The following GPR157 variants were observed in gnomAD, a reference collection of about 807,000 sequenced individuals.
The protein encoded by GPR157 is G-protein coupled receptor 157.
Under a neutral mutation model 23.5 loss-of-function variants are expected in GPR157, and 16 were observed. The ratio of observed to expected loss-of-function variants is 0.68; its 90% CI spans 0.46 to 1.04. The LOEUF (loss-of-function observed/expected upper bound fraction) is 1.04, where lower values mean the gene tolerates loss of function less well. Among genes scored for constraint, GPR157 ranks in the 50% least tolerant of loss-of-function variants. GPR157 has a pLI of 0.00. For synonymous variants in GPR157, 200 were observed against 221.5 expected (o/e 0.90, Z 0.86); for missense variants, 440 against 460.7 (o/e 0.96, Z 0.41).
intron 2 of GPR157, among the ~76,000 whole-genome samples, chr1:9,107,847 G>C (rs1175451011): frequency 2.0e-5 from 3 of 152,140 alleles, no homozygotes; most frequent in Non-Finnish European, 1.5e-5. Context: ...AGAATTGCTT[G>C]AACCCGGGAG....
chr1:9,114,326 CAA>C (rs58549365), intron 1 of GPR157, among the ~76,000 whole-genome samples: 7 of 103,100 alleles, frequency 6.8e-5, no homozygotes, highest in Admixed American at 1.1e-4. Flanking sequence ...GAGACTGTCT[CAA>C]AAAAAAAAAA....
intron 1 of GPR157, among the ~76,000 whole-genome samples, chr1:9,114,589 C>A (rs2124516540): frequency 6.6e-6 from 1 of 152,274 alleles, no homozygotes; most frequent in Admixed American, 6.5e-5. Flanking sequence ...CCTCTGCATC[C>A]CGACGGGCCC....
chr1:9,116,311 A>ATAAT (rs1218398144), intron 1 of GPR157, among the ~76,000 whole-genome samples: 30 of 16,720 alleles, frequency 1.8e-3, no homozygotes, highest in East Asian at 0.033. Flanking sequence ...ATATTATATT[A>ATAAT]TATATAATAT....
At chr1:9,119,017 A>G (rs369410171) in intron 1 of GPR157, among the ~76,000 whole-genome samples, 3 of 145,298 alleles carry the variant, frequency 2.1e-5, no homozygotes, top group Non-Finnish European at 4.5e-5. Flanking sequence ...CCTGGGTGAG[A>G]GTGAGACCCT....
chr1:9,117,567 C>A (rs900852176), intron 1 of GPR157, among the ~76,000 whole-genome samples: 44 of 152,240 alleles, frequency 2.9e-4, no homozygotes, highest in Admixed American at 2.9e-3. Flanking sequence ...TGAGACCAGC[C>A]TCGCCAACAT....
intron 1 of GPR157, among the ~76,000 whole-genome samples, chr1:9,123,238 A>T (rs1377011384): frequency 1.7e-5 from 1 of 60,274 alleles, no homozygotes; most frequent in Non-Finnish European, 2.6e-5. Context: ...ATTTAAATAT[A>T]TATTAATTTA....
In GPR157 at chr1:9,128,597, T is replaced by A; in HGVS notation, c.383+48A>T. The A allele has an allele frequency of 1.3e-6, 2 of 1,570,388 alleles. No homozygotes were observed. Among genetic ancestry groups the A allele is most frequent in the Non-Finnish European group, 1.7e-6 (2 of 1,146,388 alleles). ...TCTGGGAGGGCAAGACCGGGAGGGG[T>A]CGGCCTGTGTCGGGGGCTCCTGGAA... is the stretch of plus-strand genomic sequence containing the variant. On this transcript the variant is annotated intron_variant, in intron 1 of 3. Coordinates refer to ENST00000377411, the MANE Select transcript of GPR157 (RefSeq NM_024980.5). The surrounding 1 kb of genome is among the most constrained non-coding windows in gnomAD (Gnocchi z 6.3).
At chr1:9,104,728 C>T (rs1007892335) in intron 3 of GPR157, 94 bp from the exon 4 acceptor site, 38 of 884,424 alleles carry the variant, frequency 4.3e-5, no homozygotes, top group African/African-American at 8.4e-5. Context: ...AGGCTGGGTG[C>T]GGTGGCTCAC....
chr1:9,115,623 G>A (rs553308168), intron 1 of GPR157, among the ~76,000 whole-genome samples: 1 of 152,016 alleles, frequency 6.6e-6, no homozygotes, highest in Non-Finnish European at 1.5e-5. Context: ...TCCTCAATTT[G>A]TTTCTGCTCC....
Position 9,105,751 on chromosome 1 carries a change from G to A in GPR157, c.598-71C>T, listed in dbSNP as rs1375823970. 7.4e-7 allele frequency: 1 copy of A among 1,348,990 alleles called. No homozygotes were observed. Among genetic ancestry groups the A allele is most frequent in the South Asian group, 1.4e-5 (1 of 72,084 alleles). 83.6% of individuals were successfully genotyped at this position (1,348,990 alleles called of 1,614,324 possible). A position where few individuals can be genotyped will look rare whatever the true frequency, so the allele number is the denominator to read the frequency against. On this transcript the variant is annotated intron_variant, in intron 2 of 3. Coordinates refer to ENST00000377411, the MANE Select transcript of GPR157 (RefSeq NM_024980.5). The surrounding 1 kb of genome is among the most constrained non-coding windows in gnomAD (Gnocchi z 4.8). ...CCGCCACGTCCACCCAGGCTGCCCA[G>A]GTCTTCCCAGGGACTTGAACTAGCT...
chr1:9,106,506 T>C (rs1187626367), intron 2 of GPR157, among the ~76,000 whole-genome samples: 1 of 152,186 alleles, frequency 6.6e-6, no homozygotes. Flanking sequence ...CACACCGACC[T>C]CCTTGTTATG....
rs750196783 is a variant in GPR157 at position 9,111,309 on chromosome 1, C to T, written c.564G>A (p.Leu188=). ...TGATGTGCTTCCGGACCAGGAGGTA[C>T]AGCAGAGGCAGCAGCACATATGCCA... ...EMLAYVLLPL[L]YLLVRKHINR... is the part of the protein sequence containing the mutation. The change falls in exon 2 of 4, where the codon CTG becomes CTA. Residue 188 remains leucine (L), a synonymous_variant. Coordinates refer to ENST00000377411, the MANE Select transcript of GPR157 (RefSeq NM_024980.5). 6 of 1,614,246 alleles carry T rather than the reference C, an allele frequency of 3.7e-6. No homozygotes were observed. Among genetic ancestry groups the T allele is most frequent in the Non-Finnish European group, 5.1e-6 (6 of 1,180,048 alleles).
At chr1:9,123,233 AAT>A (rs1200551930) in intron 1 of GPR157, among the ~76,000 whole-genome samples, 1 of 84,264 alleles carries the variant, frequency 1.2e-5, no homozygotes, top group Non-Finnish European at 2.0e-5. Flanking sequence ...TATATATTTA[AAT>A]ATATATTAAT....
rs1352594815 is a variant in GPR157 at position 9,128,693 on chromosome 1, G to C, written c.335C>G (p.Ala112Gly). The C allele has an allele frequency of 1.2e-6, 2 of 1,613,232 alleles. No individual in the cohort carries two copies. The highest frequency in any genetic ancestry group is 1.7e-6 in the Non-Finnish European group (2 of 1,179,910). ...LYLYLSIVRA[A>G]RGPRTDRLLW... Reference sequence around the variant, plus strand: ...CAGGCGATCTGTGCGAGGCCCGCGCGCGGCGCGGACGATGCTGAGGTACAA... The same window carrying C: ...CAGGCGATCTGTGCGAGGCCCGCGCCCGGCGCGGACGATGCTGAGGTACAA... Residue 112 changes from alanine (A) to glycine (G), a missense_variant, in exon 1 of 4, where the codon GCG (alanine) becomes GGG (glycine). Ala to Gly is a moderately conservative substitution (Grantham distance 60). Transcript: ENST00000377411. This position sits in a 1 kb window ranked among gnomAD's most constrained non-coding sequence, Gnocchi z 6.3.
chr1:9,123,629 TTA>T, intron 1 of GPR157, among the ~76,000 whole-genome samples: 3 of 112,880 alleles, frequency 2.7e-5, no homozygotes, highest in Non-Finnish European at 5.1e-5. Flanking sequence ...TAAATATATT[TTA>T]AATATACATT....
intron 1 of GPR157, among the ~76,000 whole-genome samples, chr1:9,122,415 A>G (rs1390227567): frequency 6.6e-6 from 1 of 152,214 alleles, no homozygotes; most frequent in East Asian, 1.9e-4. Context: ...CTTGGGTGAA[A>G]GCTGGAGACG....
rs1394691360 is a variant in GPR157, at chr1:9,120,997, C to T, written c.383+7648G>A. 1.3e-5 allele frequency among the ~76,000 whole-genome samples: 2 copies of T among 152,204 alleles called. No individual in the cohort carries two copies. Among genetic ancestry groups the T allele is most frequent in the African/African-American group, 4.8e-5 (2 of 41,448 alleles). ...GCCTGGGGAGACGGGCCAGCTCTGC[C>T]ACTGGCTTGTCCTTGCAGTGCCACG... is the stretch of plus-strand genomic sequence containing the variant. On this transcript the variant is annotated intron_variant, in intron 1 of 3. Coordinates refer to ENST00000377411, the MANE Select transcript of GPR157 (RefSeq NM_024980.5). The surrounding 1 kb of genome is among the most constrained non-coding windows in gnomAD (Gnocchi z 4.1).
rs1435768792 is a variant in GPR157 at position 9,128,552 on chromosome 1, T to C, written c.383+93A>G. On this transcript the variant is annotated intron_variant, in intron 1 of 3. Transcript: ENST00000377411. This position sits in a 1 kb window ranked among gnomAD's most constrained non-coding sequence, Gnocchi z 6.3. ...GGCACTGCTTGCTGTGGGTAGGGGG[T>C]GTCCAACCTAGACGCGGCCTCTGGG... 4 of 1,202,578 alleles carry C rather than the reference T, an allele frequency of 3.3e-6. No homozygotes were observed. The South Asian group carries it at 5.2e-5, about 16-fold the overall frequency. 74.5% of individuals were successfully genotyped at this position (1,202,578 alleles called of 1,614,324 possible).
Position 9,100,863 on chromosome 1 carries a change from T to G in GPR157, c.*3556A>C, listed in dbSNP as rs1314444935. ...ACCTTGTCTCTACAAAAAGTCAAAATTTAGCCAGGCCTGTGGTCCCAGCTT... is the reference window on the plus strand; with the variant it reads ...ACCTTGTCTCTACAAAAAGTCAAAAGTTAGCCAGGCCTGTGGTCCCAGCTT... On this transcript the variant is annotated 3_prime_UTR_variant, in exon 4 of 4. Coordinates refer to ENST00000377411, the MANE Select transcript of GPR157 (RefSeq NM_024980.5). The G allele has an allele frequency of 6.6e-6, 1 of 152,002 alleles. No individual in the cohort carries two copies. Among genetic ancestry groups the G allele is most frequent in the Non-Finnish European group, 1.5e-5 (1 of 68,064 alleles). The allele number at this position is 152,002 out of a possible 1,614,324, so 9.4% of individuals were successfully genotyped here.
Sources: gnomAD v4.1 joint callset for allele counts (sites outside exome capture counted in the v4.1 genomes callset) on GRCh38, gnomAD v4.1.1 for gene constraint, Gnocchi (gnomAD v3.1) non-coding constraint, MANE v1.5 for transcripts, NCBI Gene and HGNC (gene_info 2026-07-23, HGNC 2026-07-21) for gene names.